Variants in ACYP2 observed in about 807,000 individuals in gnomAD.
The protein encoded by ACYP2 is acylphosphatase-2.
In ACYP2, 12 loss-of-function variants were observed where a neutral mutation model predicts 11.2. The ratio of observed to expected loss-of-function variants is 1.08; its 90% CI spans 0.69 to 1.74. The LOEUF is 1.74. ACYP2 is among the 40% of genes most tolerant of loss of function. ACYP2 has a pLI of 0.00. For missense variants in ACYP2, 134 were observed against 101.9 expected, an observed-to-expected ratio of 1.31 and a Z score of -1.35; for synonymous variants, 43 against 32.2, an observed-to-expected ratio of 1.33 and a Z score of -1.13.
chr2:53,982,873 TGA>T lies in ACYP2; in HGVS notation c.62+9064_62+9065del, dbSNP rs1553348046. The stretch of plus-strand genomic sequence containing the variant: ...GTGTGTGTGTGTGTGTGTGTGTGTG[TGA>T]TATAAATAGGTTCAGGGAGAACCAG... On this transcript the variant is annotated intron_variant, in intron 2 of 6. Coordinates refer to ENST00000607452, the MANE Select transcript of ACYP2 (RefSeq NM_001320586.2). Among the ~76,000 whole-genome samples the T allele has an allele frequency of 4.5e-3, 617 of 135,752 alleles. 11 individuals are homozygous for T. Among genetic ancestry groups the T allele is most frequent in the African/African-American group, 0.017 (592 of 34,690 alleles). 89.1% of individuals were successfully genotyped at this position (135,752 alleles called of 152,430 possible). A position where few individuals can be genotyped will look rare whatever the true frequency, so the allele number is the denominator to read the frequency against.
chr2:54,303,479 T>C (rs1056131838), intron 6 of ACYP2, among the ~76,000 whole-genome samples: 4 of 152,224 alleles, frequency 2.6e-5, no homozygotes, highest in Non-Finnish European at 5.9e-5. Flanking sequence ...TATCAGTTCC[T>C]TTTCATAAGA....
At position 53,972,232 on chromosome 2, in the gene ACYP2, A is replaced by C. The variant is rs1332958681; in HGVS notation, c.-37+911A>C. ...GGCTGAGGCAGGAGAATCGCTTGAA[A>C]CCGGAAGGCGGAGGTTGCAGTGAGC... On this transcript the variant is annotated intron_variant, in intron 1 of 6. Coordinates refer to ENST00000607452, the MANE Select transcript of ACYP2 (RefSeq NM_001320586.2). Among the ~76,000 whole-genome samples, 3 of 139,506 alleles carry C rather than the reference A, an allele frequency of 2.2e-5. 1 individual carries two copies. Among genetic ancestry groups the C allele is most frequent in the African/African-American group, 8.1e-5 (3 of 36,916 alleles). The allele number at this position is 139,506 out of a possible 152,430, so 91.5% of individuals were successfully genotyped here. A position where few individuals can be genotyped will look rare whatever the true frequency, so the allele number is the denominator to read the frequency against.
chr2:53,999,442 C>G lies in ACYP2; in HGVS notation c.62+25632C>G, dbSNP rs148146942. On this transcript the variant is annotated intron_variant, in intron 2 of 6. Coordinates refer to ENST00000607452, the MANE Select transcript of ACYP2 (RefSeq NM_001320586.2). Reference sequence around the variant, plus strand: ...AGAGGGCCCATCTGAGGATAGCAGTCAAAATCAGAGAGGAACTTCATGGGC... The same window carrying G: ...AGAGGGCCCATCTGAGGATAGCAGTGAAAATCAGAGAGGAACTTCATGGGC... 2.3e-3 allele frequency among the ~76,000 whole-genome samples: 356 copies of G among 152,224 alleles called. 1 individual carries two copies. Among genetic ancestry groups the G allele is most frequent in the African/African-American group, 8.4e-3 (349 of 41,520 alleles).
At chr2:54,274,717 C>A (rs1688472348) in intron 6 of ACYP2, among the ~76,000 whole-genome samples, 1 of 150,006 alleles carries the variant, frequency 6.7e-6, no homozygotes, top group East Asian at 2.0e-4. Flanking sequence ...ATCACTTAAC[C>A]TTAGAATGTC....
At chr2:54,054,690 C>A (rs1427114224) in intron 3 of ACYP2, among the ~76,000 whole-genome samples, 7 of 152,218 alleles carry the variant, frequency 4.6e-5, no homozygotes, top group Non-Finnish European at 1.5e-5. Flanking sequence ...TATCTGCAGT[C>A]TTGTTCATAA....
chr2:54,219,921 T>A (rs1297392232), intron 6 of ACYP2, among the ~76,000 whole-genome samples: 6 of 136,588 alleles, frequency 4.4e-5, no homozygotes, highest in African/African-American at 1.7e-4. Context: ...TTTTTTTTTT[T>A]AGTAGAGATG....
rs530406334 is a variant in ACYP2, at chr2:54,207,108, T to C, written c.404+68360T>C. On this transcript the variant is annotated intron_variant, in intron 6 of 6. Transcript: ENST00000607452. ...ATATGTTTATATAGATATCTATATA[T>C]AGATATATAGGTATATATATGCCTA... Among the ~76,000 whole-genome samples the C allele has an allele frequency of 3.3e-5, 5 of 151,700 alleles. No individual in the cohort carries two copies. The East Asian group carries it at 9.7e-4, about 29-fold the overall frequency.
chr2:54,155,558 G>A (rs183647577), intron 6 of ACYP2, among the ~76,000 whole-genome samples: 13 of 152,260 alleles, frequency 8.5e-5, no homozygotes, highest in African/African-American at 2.4e-4. Context: ...TGTGAACTGC[G>A]CATGCGAGGG....
chr2:54,064,971 G>T (rs779070555), intron 4 of ACYP2, among the ~76,000 whole-genome samples: 116 of 152,070 alleles, frequency 7.6e-4, no homozygotes, highest in Admixed American at 2.1e-3. Context: ...GTAATCCCAG[G>T]TACTCGGGAG....
At chr2:54,056,045 A>T (rs921813593) in intron 3 of ACYP2, among the ~76,000 whole-genome samples, 1 of 152,234 alleles carries the variant, frequency 6.6e-6, no homozygotes, top group Non-Finnish European at 1.5e-5. Flanking sequence ...CCAGGCTCCT[A>T]TGATTTCAAA....
At chr2:54,139,106 G>C (rs530999383) in intron 6 of ACYP2, among the ~76,000 whole-genome samples, 1 of 152,316 alleles carries the variant, frequency 6.6e-6, no homozygotes, top group South Asian at 2.1e-4. Flanking sequence ...TTTAGGAATG[G>C]ACTTCCCACT....
At chr2:54,006,579 G>A (rs529384570) in intron 2 of ACYP2, among the ~76,000 whole-genome samples, 1 of 152,308 alleles carries the variant, frequency 6.6e-6, no homozygotes, top group Non-Finnish European at 1.5e-5. Flanking sequence ...GTGAGCCGCT[G>A]TGCCCAGTCA....
At chr2:54,181,055 A>G (rs1307460195) in intron 6 of ACYP2, among the ~76,000 whole-genome samples, 1 of 152,192 alleles carries the variant, frequency 6.6e-6, no homozygotes, top group East Asian at 1.9e-4. Context: ...TTAGTATTAC[A>G]AAAAGCACTT....
chr2:53,985,907 G>T (rs1227755615), intron 2 of ACYP2, among the ~76,000 whole-genome samples: 1 of 152,074 alleles, frequency 6.6e-6, no homozygotes, highest in East Asian at 1.9e-4. Context: ...AAGCCGAGGT[G>T]GGAGGAGTAC....
intron 6 of ACYP2, chr2:54,267,290 T>TA (rs1337057732): frequency 1.4e-5 from 21 of 1,548,500 alleles, no homozygotes; most frequent in Non-Finnish European, 1.7e-5. Context: ...CCATTTGACT[T>TA]AATAGGAATT....
At chr2:54,234,060 C>G (rs1393360053) in intron 6 of ACYP2, among the ~76,000 whole-genome samples, 11 of 141,378 alleles carry the variant, frequency 7.8e-5, no homozygotes, top group Admixed American at 2.8e-4. Flanking sequence ...TCAGAAGGAG[C>G]CAAATCAGGT....
chr2:54,115,388 A>G, intron 4 of ACYP2: 1 of 570,758 alleles, frequency 1.8e-6, no homozygotes. Flanking sequence ...CTTTGAGAAC[A>G]GAGTACCTTG....
At chr2:54,154,443 A>C (rs1472829010) in intron 6 of ACYP2, among the ~76,000 whole-genome samples, 1 of 152,116 alleles carries the variant, frequency 6.6e-6, no homozygotes, top group Non-Finnish European at 1.5e-5. Context: ...GGCCTTTATT[A>C]TGTTGATATA....
chr2:54,045,146 C>G (rs1019435665), intron 2 of ACYP2, among the ~76,000 whole-genome samples: 4 of 152,148 alleles, frequency 2.6e-5, no homozygotes, highest in Non-Finnish European at 5.9e-5. Flanking sequence ...CTGAACGACC[C>G]CAAAAGGAGC....
Sources: allele counts gnomAD v4.1 joint callset (sites outside exome capture counted in the v4.1 genomes callset), GRCh38; gene constraint gnomAD v4.1.1; transcripts MANE v1.5; gene names NCBI Gene and HGNC (gene_info 2026-07-23, HGNC 2026-07-21).